Variants in CYFIP2 observed in about 807,000 individuals in gnomAD.
The protein encoded by CYFIP2 is cytoplasmic FMR1 interacting protein 2.
Under a neutral mutation model 158.7 loss-of-function variants are expected in CYFIP2, and 29 were observed. The observed-to-expected ratio is 0.18, with a 90% CI of 0.14 to 0.25. The LOEUF is 0.25. Among genes scored for constraint, CYFIP2 ranks in the 10% least tolerant of loss-of-function variants. CYFIP2 has a pLI of 1.00. For synonymous variants in CYFIP2, 585 were observed against 617.6 expected (o/e 0.95, Z 0.78); for missense variants, 852 against 1,639.5 (o/e 0.52, Z 8.29).
chr5:157,395,536 G>T lies in CYFIP2; in HGVS notation c.*2536G>T. On this transcript the variant is annotated 3_prime_UTR_variant, in exon 31 of 31. Transcript: ENST00000620254. ...TTTGATTTGTATTTTGGGGGTACCTGTGTTGAGTTGATAAACATTTCCATC... is the reference window on the plus strand; with the variant it reads ...TTTGATTTGTATTTTGGGGGTACCTTTGTTGAGTTGATAAACATTTCCATC... 1 of 960,662 alleles carries T rather than the reference G, an allele frequency of 1.0e-6. No homozygotes were observed. Among genetic ancestry groups the T allele is most frequent in the Non-Finnish European group, 1.4e-6 (1 of 689,760 alleles). 59.5% of individuals were successfully genotyped at this position (960,662 alleles called of 1,614,324 possible).
Position 157,359,276 on chromosome 5 carries a change from A to G in CYFIP2, c.2817+128A>G, listed in dbSNP as rs577879816. On this transcript the variant is annotated intron_variant, in intron 24 of 30. Transcript: ENST00000620254. ...CACTGCAGCTCTACCTGTAGAAACC[A>G]CTCAAGGAGTTCCCTTGCCCATATC... 12 of 983,090 alleles carry G rather than the reference A, an allele frequency of 1.2e-5. No homozygotes were observed. The Admixed American group carries it at 2.7e-4, about 22-fold the overall frequency. 60.9% of individuals were successfully genotyped at this position (983,090 alleles called of 1,614,324 possible). A position where few individuals can be genotyped will look rare whatever the true frequency, so the allele number is the denominator to read the frequency against.
chr5:157,306,220 C>T (rs1304008004), intron 8 of CYFIP2, among the ~76,000 whole-genome samples: 1 of 152,192 alleles, frequency 6.6e-6, no homozygotes, highest in Non-Finnish European at 1.5e-5. Context: ...CTTAGCACCT[C>T]AGTTAAGTTT....
At chr5:157,364,951 T>G (rs1477503644) in intron 26 of CYFIP2, 2 of 152,210 alleles carry the variant, frequency 1.3e-5, no homozygotes, top group African/African-American at 4.8e-5. Context: ...TAAAGTAGTT[T>G]TGCACATACC....
chr5:157,281,778 T>C (rs1757006802), intron 1 of CYFIP2, among the ~76,000 whole-genome samples: 1 of 152,242 alleles, frequency 6.6e-6, no homozygotes, highest in Admixed American at 6.5e-5. Context: ...ATAAGGCATA[T>C]TCAAAGGATT....
chr5:157,320,839 C>G (rs1760535985), intron 15 of CYFIP2, 37 bp downstream of exon 15: 5 of 1,505,396 alleles, frequency 3.3e-6, no homozygotes, highest in Non-Finnish European at 4.4e-6. Context: ...TGCGTTGACT[C>G]AGAGGCCAGC....
chr5:157,344,387 A>G (rs1762527270), intron 23 of CYFIP2, among the ~76,000 whole-genome samples: 1 of 152,174 alleles, frequency 6.6e-6, no homozygotes, highest in South Asian at 2.1e-4. Flanking sequence ...CGGATGAGCA[A>G]CCTGATGTCA....
At position 157,393,019 on chromosome 5, in the gene CYFIP2, C is replaced by G. The variant is rs771208444; in HGVS notation, c.*19C>G. 2 of 1,611,288 alleles carry G rather than the reference C, an allele frequency of 1.2e-6. No individual in the cohort carries two copies. Among genetic ancestry groups the G allele is most frequent in the Non-Finnish European group, 1.7e-6 (2 of 1,178,478 alleles). ...TTGCTAAGCAGAAGATCCTGCAGAC[C>G]CTTATCTGGAGGAGGAAGAGAAGCA... On this transcript the variant is annotated 3_prime_UTR_variant, in exon 31 of 31. Coordinates refer to ENST00000620254, the MANE Select transcript of CYFIP2 (RefSeq NM_001037333.3).
chr5:157,384,806 G>A (rs764460833), intron 28 of CYFIP2: 6 of 298,214 alleles, frequency 2.0e-5, no homozygotes, highest in Non-Finnish European at 4.0e-5. Flanking sequence ...CAGGCGTGGT[G>A]GCGGGCACTT....
intron 26 of CYFIP2, among the ~76,000 whole-genome samples, chr5:157,366,155 G>T (rs902610331): frequency 6.6e-6 from 1 of 152,028 alleles, no homozygotes; most frequent in Non-Finnish European, 1.5e-5. Flanking sequence ...CATTCTGGGG[G>T]GGCTGTCATG....
chr5:157,382,758 G>T, intron 27 of CYFIP2, 96 bp downstream of exon 27: 1 of 1,275,492 alleles, frequency 7.8e-7, no homozygotes, highest in Non-Finnish European at 1.1e-6. Flanking sequence ...CAGCAAGGGG[G>T]AAGGTTAAAG....
At chr5:157,374,075 A>G (rs1765238790) in intron 26 of CYFIP2, among the ~76,000 whole-genome samples, 1 of 152,224 alleles carries the variant, frequency 6.6e-6, no homozygotes, top group Non-Finnish European at 1.5e-5. Context: ...ATTAATGATG[A>G]TGGTCATTGG....
intron 24 of CYFIP2, among the ~76,000 whole-genome samples, chr5:157,359,536 C>G (rs1763656116): frequency 6.6e-6 from 1 of 152,186 alleles, no homozygotes; most frequent in Non-Finnish European, 1.5e-5. Context: ...ACGCCCTTAC[C>G]CATGGCAGAC....
chr5:157,389,288 C>T lies in CYFIP2; in HGVS notation c.3307C>T (p.Leu1103=). The change falls in exon 29 of 31, where the codon CTG becomes TTG. Residue 1103 remains leucine (L), a synonymous_variant. Transcript: ENST00000620254. ...EVILTRIRSY[L]QDPIWRGPPP... is the part of the protein sequence containing the mutation. ...CATCCTGACCCGCATTCGGAGCTAC[C>T]TGCAGGACCCCATCTGGCGGGGCCC... 28 of 1,614,082 alleles carry T rather than the reference C, an allele frequency of 1.7e-5. No individual in the cohort carries two copies. The highest frequency in any genetic ancestry group is 2.4e-5 in the Non-Finnish European group (28 of 1,179,900).
At chr5:157,389,512 A>C in intron 29 of CYFIP2, 85 bp downstream of exon 29, 7 of 1,296,526 alleles carry the variant, frequency 5.4e-6, no homozygotes, top group South Asian at 2.9e-5. Flanking sequence ...TCAGCCAGAA[A>C]CGTGGGCAGG....
chr5:157,343,470 AG>A, intron 23 of CYFIP2: 1 of 1,607,842 alleles, frequency 6.2e-7, no homozygotes, highest in Non-Finnish European at 8.5e-7. Flanking sequence ...TCCTCCAGGC[AG>A]GGCTCCGAGG....
Position 157,361,580 on chromosome 5 carries a change from C to A in CYFIP2, c.3021C>A (p.Leu1007=), listed in dbSNP as rs765648333. The change falls in exon 26 of 31, where the codon CTC becomes CTA. Residue 1007 remains leucine (L), a synonymous_variant. Coordinates refer to ENST00000620254, the MANE Select transcript of CYFIP2 (RefSeq NM_001037333.3). The surrounding 1 kb of genome is among the most constrained non-coding windows in gnomAD (Gnocchi z 4.4). ...REVGNAILFC[L]LIEQALSQEE... ...TGGGCAATGCCATCCTCTTCTGCCTCCTCATAGAGCAAGCTCTGGTAAGTC... is the reference window on the plus strand; with the variant it reads ...TGGGCAATGCCATCCTCTTCTGCCTACTCATAGAGCAAGCTCTGGTAAGTC... The A allele has an allele frequency of 6.2e-7, 1 of 1,613,936 alleles. No homozygotes were observed. The highest frequency in any genetic ancestry group is 8.5e-7 in the Non-Finnish European group (1 of 1,179,894).
At chr5:157,382,494 G>A (rs929946025) in intron 26 of CYFIP2, 96 bp from the exon 27 acceptor site, 4 of 1,304,900 alleles carry the variant, frequency 3.1e-6, no homozygotes, top group African/African-American at 1.5e-5. Flanking sequence ...TTGAACCCAG[G>A]TCTAGCTAAC....
intron 26 of CYFIP2, chr5:157,364,213 G>GGGGGGGGGGGT (rs1764149334): frequency 7.8e-6 from 1 of 128,042 alleles, no homozygotes; most frequent in African/African-American, 3.1e-5. Context: ...GCGGGGGGGG[G>GGGGGGGGGGGT]TGGGTCCCTG....
chr5:157,330,433 G>A (rs78809571), intron 19 of CYFIP2, among the ~76,000 whole-genome samples: 178 of 152,132 alleles, frequency 1.2e-3, no homozygotes, highest in African/African-American at 4.2e-3. Flanking sequence ...TGTATTCCCA[G>A]TACCCAGAAT....
Sources: allele counts gnomAD v4.1 joint callset (sites outside exome capture counted in the v4.1 genomes callset), GRCh38; gene constraint gnomAD v4.1.1; non-coding constraint Gnocchi (gnomAD v3.1); transcripts MANE v1.5; gene names NCBI Gene and HGNC (gene_info 2026-07-23, HGNC 2026-07-21).